Variants in DBNL observed in about 807,000 individuals in gnomAD.
DBNL encodes drebrin-like protein.
In DBNL, 35 loss-of-function variants were observed where a neutral mutation model predicts 62.2. That is an observed-to-expected ratio of 0.56 (90% CI 0.43 to 0.75). The LOEUF (loss-of-function observed/expected upper bound fraction) is 0.75, where lower values mean the gene tolerates loss of function less well. Ranked by LOEUF, DBNL falls within the 30% of genes least tolerant of loss-of-function variation. The probability of loss-of-function intolerance (pLI) is 0.00; values close to 1 mark genes in which losing one functional copy is unlikely to be tolerated. For synonymous variants in DBNL, 197 were observed against 218.0 expected (o/e 0.90, Z 0.85); for missense variants, 495 against 578.4 (o/e 0.86, Z 1.48).
chr7:44,050,349 C>T (rs567088465), intron 2 of DBNL, 69 bp downstream of exon 2: 12 of 1,560,328 alleles, frequency 7.7e-6, no homozygotes, highest in African/African-American at 1.4e-5. Flanking sequence ...GGTCAGCGCA[C>T]TCAGCTGTCT....
chr7:44,068,970 T>C lies in DBNL; in HGVS notation c.*8054T>C, dbSNP rs1481976048. On this transcript the variant is annotated 3_prime_UTR_variant, in exon 13 of 13. Coordinates refer to ENST00000448521, the MANE Select transcript of DBNL (RefSeq NM_001014436.3). ...AAGACTGGATCTTCACCAGAAACTA[T>C]AGAGGCCAGAAAGAAGTGGAACATT... The C allele has an allele frequency of 2.0e-5, 3 of 152,180 alleles. No individual in the cohort carries two copies. The highest frequency in any genetic ancestry group is 2.9e-5 in the Non-Finnish European group (2 of 68,030). The allele number at this position is 152,180 out of a possible 1,614,324, so 9.4% of individuals were successfully genotyped here.
At chr7:44,046,688 C>G (rs2096117873) in intron 1 of DBNL, among the ~76,000 whole-genome samples, 2 of 152,232 alleles carry the variant, frequency 1.3e-5, no homozygotes, top group African/African-American at 4.8e-5. Flanking sequence ...TGACCTCCAC[C>G]CTCATCGTCA....
intron 4 of DBNL, among the ~76,000 whole-genome samples, chr7:44,055,771 T>C (rs2096135177): frequency 6.6e-6 from 1 of 152,242 alleles, no homozygotes; most frequent in African/African-American, 2.4e-5. Flanking sequence ...ATTTTTTTGC[T>C]ACTGAGTTGT....
In DBNL at chr7:44,062,808, G is replaced by A. The variant is rs375024229; in HGVS notation, c.*1892G>A. The A allele has an allele frequency of 6.2e-6, 10 of 1,614,016 alleles. No homozygotes were observed. Among genetic ancestry groups the A allele is most frequent in the Admixed American group, 1.7e-5 (1 of 60,002 alleles). ...GCAGCCACAGCCTCCATGGCCTTCC[G>A]CACCGTTTCCTCATCACCCAGGAAC... On this transcript the variant is annotated 3_prime_UTR_variant, in exon 13 of 13. Coordinates refer to ENST00000448521, the MANE Select transcript of DBNL (RefSeq NM_001014436.3).
chr7:44,060,649 T>G lies in DBNL; in HGVS notation c.1154-128T>G. 1 of 1,364,730 alleles carries G rather than the reference T, an allele frequency of 7.3e-7. No homozygotes were observed. Among genetic ancestry groups the G allele is most frequent in the Non-Finnish European group, 9.9e-7 (1 of 1,008,790 alleles). 84.5% of individuals were successfully genotyped at this position (1,364,730 alleles called of 1,614,324 possible). A position where few individuals can be genotyped will look rare whatever the true frequency, so the allele number is the denominator to read the frequency against. ...CCAAGGCTTAGCAGGGTGGCAGGGA[T>G]ATTTCTGAGGAGGAACCAGAGCTGC... On this transcript the variant is annotated intron_variant, in intron 12 of 12. Transcript: ENST00000448521. This position sits in a 1 kb window ranked among gnomAD's most constrained non-coding sequence, Gnocchi z 6.3.
At chr7:44,045,450 GCTAT>G (rs1562648398) in intron 1 of DBNL, among the ~76,000 whole-genome samples, 1 of 152,180 alleles carries the variant, frequency 6.6e-6, no homozygotes, top group Non-Finnish European at 1.5e-5. Flanking sequence ...TAGGATGCTC[GCTAT>G]CTATTTGGGA....
chr7:44,047,287 A>G (rs931079963), intron 1 of DBNL, among the ~76,000 whole-genome samples: 6 of 152,230 alleles, frequency 3.9e-5, no homozygotes, highest in Non-Finnish European at 8.8e-5. Flanking sequence ...TAGATGAAGG[A>G]TGGACCAAGT....
Position 44,059,072 on chromosome 7 carries a change from C to G in DBNL, c.835+89C>G. On this transcript the variant is annotated intron_variant, in intron 9 of 12. Transcript: ENST00000448521. This position sits in a 1 kb window ranked among gnomAD's most constrained non-coding sequence, Gnocchi z 4.1. ...ATGTGGGCTCCCCCAAGGCTAGTGA[C>G]AGATATATCGGTGACGGGTGAGTGA... 7.1e-7 allele frequency: 1 copy of G among 1,407,736 alleles called. No homozygotes were observed. The highest frequency in any genetic ancestry group is 9.9e-7 in the Non-Finnish European group (1 of 1,006,396). 87.2% of individuals were successfully genotyped at this position (1,407,736 alleles called of 1,614,324 possible). A position where few individuals can be genotyped will look rare whatever the true frequency, so the allele number is the denominator to read the frequency against.
chr7:44,060,292 A>G lies in DBNL; in HGVS notation c.1153+139A>G, dbSNP rs1407828213. 2 of 738,724 alleles carry G rather than the reference A, an allele frequency of 2.7e-6. No homozygotes were observed. The highest frequency in any genetic ancestry group is 1.8e-5 in the African/African-American group (1 of 57,032). 45.8% of individuals were successfully genotyped at this position (738,724 alleles called of 1,614,324 possible). On this transcript the variant is annotated intron_variant, in intron 12 of 12. Transcript: ENST00000448521. The surrounding 1 kb of genome is among the most constrained non-coding windows in gnomAD (Gnocchi z 6.3). ...GAGGGTGGGCGGTGCGTTTAGGGGT[A>G]GAAGCACCTCTGGAGTGGGGGTGAC...
Position 44,044,713 on chromosome 7 carries a change from C to G in DBNL, c.-25C>G, listed in dbSNP as rs538644961. On this transcript the variant is annotated 5_prime_UTR_variant, in exon 1 of 13. Transcript: ENST00000448521. ...CGGCCCGGCCCGGAAGCTACAGCAG[C>G]GGCGCGGAGACTGCGGGGCGGGCCA... 2 of 1,476,398 alleles carry G rather than the reference C, an allele frequency of 1.4e-6. No individual in the cohort carries two copies. Among genetic ancestry groups the G allele is most frequent in the East Asian group, 5.7e-5 (2 of 34,904 alleles). 91.5% of individuals were successfully genotyped at this position (1,476,398 alleles called of 1,614,324 possible). A position where few individuals can be genotyped will look rare whatever the true frequency, so the allele number is the denominator to read the frequency against.
In DBNL at chr7:44,063,603, A is replaced by G. The variant is rs1177528934; in HGVS notation, c.*2687A>G. On this transcript the variant is annotated 3_prime_UTR_variant, in exon 13 of 13. Transcript: ENST00000448521. ...CACCCTTTGGTTTCTAAAGTGCTCT[A>G]AATTCTAGACATCCTGAACAGAGGA... is the stretch of plus-strand genomic sequence containing the variant. 1.9e-5 allele frequency: 3 copies of G among 157,704 alleles called. No individual in the cohort carries two copies. Among genetic ancestry groups the G allele is most frequent in the Non-Finnish European group, 4.2e-5 (3 of 71,098 alleles). The allele number at this position is 157,704 out of a possible 1,614,324, so 9.8% of individuals were successfully genotyped here.
rs536710649 is a variant in DBNL, at chr7:44,058,961, C to T, written c.813C>T (p.Thr271=). 1.6e-5 allele frequency: 26 copies of T among 1,614,024 alleles called. No individual in the cohort carries two copies. The East Asian group carries it at 5.8e-4, about 36-fold the overall frequency. The change falls in exon 9 of 13, where the codon ACC becomes ACT. Residue 271 remains threonine, a synonymous_variant. Coordinates refer to ENST00000448521, the MANE Select transcript of DBNL (RefSeq NM_001014436.3). The part of the protein sequence containing the change: ...FKQKERAMST[T]SISSPQPGKL... Reference sequence around the variant, plus strand: ...AGAAGGAGAGGGCCATGTCCACCACCTCCATCTCCAGTCCTCAGCCTGGTG... The same window carrying T: ...AGAAGGAGAGGGCCATGTCCACCACTTCCATCTCCAGTCCTCAGCCTGGTG...
chr7:44,058,913 G>A lies in DBNL; in HGVS notation c.765G>A (p.Val255=), dbSNP rs765218857. 65 of 1,613,764 alleles carry A rather than the reference G, an allele frequency of 4.0e-5. No homozygotes were observed. The highest frequency in any genetic ancestry group is 5.0e-5 in the Non-Finnish European group (59 of 1,179,968). The change falls in exon 9 of 13, where the codon GTG becomes GTA. Residue 255 remains valine (V), a synonymous_variant. Transcript: ENST00000448521. ...SRNRNEQESA[V]HPREIFKQKE... is the part of the protein sequence containing the mutation. ...GTGCTTCCCTCCAGGAGTCTGCCGT[G>A]CACCCGAGGGAGATTTTCAAGCAGA...
chr7:44,058,393 C>T (rs747000860), intron 7 of DBNL, 39 bp from the exon 8 acceptor site: 18 of 1,613,984 alleles, frequency 1.1e-5, no homozygotes, highest in Non-Finnish European at 1.4e-5. Context: ...GAAGCTGTGA[C>T]TGTGCCTCAG....
rs370887667 is a variant in DBNL, at chr7:44,063,276, CTTTTCT to C, written c.*2377_*2382del. On this transcript the variant is annotated 3_prime_UTR_variant, in exon 13 of 13. Coordinates refer to ENST00000448521, the MANE Select transcript of DBNL (RefSeq NM_001014436.3). ...CACTCACCCTTTGTTTTTTTTTTTT[CTTTTCT>C]TTTTCTTTTTCTTTTTTTTGAGATG... 5.0e-3 allele frequency: 1,679 copies of C among 335,134 alleles called. 26 individuals carry two copies. The highest frequency in any genetic ancestry group is 0.029 in the African/African-American group (1,365 of 46,716). 20.8% of individuals were successfully genotyped at this position (335,134 alleles called of 1,614,324 possible).
At position 44,059,450 on chromosome 7, in the gene DBNL, G is replaced by A. The variant is rs777393608; in HGVS notation, c.931+1G>A. The A allele has an allele frequency of 1.2e-6, 2 of 1,613,884 alleles. No homozygotes were observed. Among genetic ancestry groups the A allele is most frequent in the African/African-American group, 2.7e-5 (2 of 74,914 alleles). Reference sequence around the variant, plus strand: ...GCTGCCATCTCAAGGCCCAGGGCAGGCAAGGCGCTTGTCACCCCATGGGGA... The same window carrying A: ...GCTGCCATCTCAAGGCCCAGGGCAGACAAGGCGCTTGTCACCCCATGGGGA... On this transcript the variant is annotated splice_donor_variant, in intron 10 of 12. Transcript: ENST00000448521. LOFTEE classifies it high-confidence loss of function. The surrounding 1 kb of genome is among the most constrained non-coding windows in gnomAD (Gnocchi z 4.1).
Position 44,062,370 on chromosome 7 carries a change from G to C in DBNL, c.*1454G>C, listed in dbSNP as rs900401546. The C allele has an allele frequency of 1.4e-5, 4 of 287,606 alleles. No homozygotes were observed. In the Admixed American group the frequency reaches 1.8e-4, roughly 13 times the overall value. 17.8% of individuals were successfully genotyped at this position (287,606 alleles called of 1,614,324 possible). On this transcript the variant is annotated 3_prime_UTR_variant, in exon 13 of 13. Transcript: ENST00000448521. ...TTGCAAGGACAGCAGAGGACCACCT[G>C]CCCTCTGCAGGAAGCTGTCCAGGAA...
Position 44,067,044 on chromosome 7 carries a change from C to T in DBNL, c.*6128C>T, listed in dbSNP as rs1198726028. ...TAAACATGCCTACCGTAGATAGCAC[C>T]AGATGCTAGGAAGGAAGGACCATAA... On this transcript the variant is annotated 3_prime_UTR_variant, in exon 13 of 13. Coordinates refer to ENST00000448521, the MANE Select transcript of DBNL (RefSeq NM_001014436.3). The T allele has an allele frequency of 6.6e-6, 1 of 152,516 alleles. No homozygotes were observed. Among genetic ancestry groups the T allele is most frequent in the Non-Finnish European group, 1.5e-5 (1 of 68,218 alleles). The allele number at this position is 152,516 out of a possible 1,614,324, so 9.4% of individuals were successfully genotyped here.
Position 44,064,793 on chromosome 7 carries a change from G to GGGCCCCCCCCCCCC in DBNL, c.*3877_*3878insGGCCCCCCCCCCCC. ...AGATGAGAAGCCAGCTGGGGCTGCT[G>GGGCCCCCCCCCCCC]CCCACCCACCCTGCCCAGGCTCCTG... is the stretch of plus-strand genomic sequence containing the variant. On this transcript the variant is annotated 3_prime_UTR_variant, in exon 13 of 13. Coordinates refer to ENST00000448521, the MANE Select transcript of DBNL (RefSeq NM_001014436.3). 1.1e-5 allele frequency: 13 copies of GGGCCCCCCCCCCCC among 1,136,954 alleles called. No homozygotes were observed. Among genetic ancestry groups the GGGCCCCCCCCCCCC allele is most frequent in the East Asian group, 7.5e-5 (3 of 40,038 alleles). 70.4% of individuals were successfully genotyped at this position (1,136,954 alleles called of 1,614,324 possible). A position where few individuals can be genotyped will look rare whatever the true frequency, so the allele number is the denominator to read the frequency against.
Sources: allele counts gnomAD v4.1 joint callset (sites outside exome capture counted in the v4.1 genomes callset), GRCh38; gene constraint gnomAD v4.1.1; non-coding constraint Gnocchi (gnomAD v3.1); transcripts MANE v1.5; gene names NCBI Gene and HGNC (gene_info 2026-07-23, HGNC 2026-07-21).